The following DNAH7 variants were observed in gnomAD, a reference collection of about 807,000 sequenced individuals.
The protein encoded by DNAH7 is axonemal beta dynein heavy chain 7.
DNAH7 carries 397 observed loss-of-function variants against 444.6 expected under a neutral mutation model. That is an observed-to-expected ratio of 0.89 (90% CI 0.82 to 0.97). The LOEUF is 0.97. DNAH7 is among the 50% of genes least tolerant of loss of function. DNAH7 has a pLI of 0.00. For missense variants in DNAH7, 4,902 were observed against 4,800.8 expected, an observed-to-expected ratio of 1.02 and a Z score of -0.62; for synonymous variants, 1,636 against 1,624.4, an observed-to-expected ratio of 1.01 and a Z score of -0.17.
intron 40 of DNAH7, among the ~76,000 whole-genome samples, chr2:195,870,023 CACAA>C (rs1013323018): frequency 1.1e-4 from 16 of 152,114 alleles, no homozygotes; most frequent in Non-Finnish European, 2.1e-4. Context: ...TATACAATAG[CACAA>C]ACAACCTATT....
intron 5 of DNAH7, among the ~76,000 whole-genome samples, chr2:196,039,625 C>G (rs1391504638): frequency 1.3e-5 from 2 of 151,910 alleles, no homozygotes; most frequent in African/African-American, 4.8e-5. Flanking sequence ...TGGCAAAACC[C>G]TGTCTCTGCT....
chr2:196,029,323 T>A (rs1352726173), intron 5 of DNAH7, among the ~76,000 whole-genome samples: 1 of 152,092 alleles, frequency 6.6e-6, no homozygotes, highest in Non-Finnish European at 1.5e-5. Context: ...ATTCTAAGAA[T>A]CAAACAAACC....
At chr2:195,876,851 C>T in intron 36 of DNAH7, 152 bp from the exon 37 acceptor site, 1 of 602,244 alleles carries the variant, frequency 1.7e-6, no homozygotes, top group East Asian at 2.9e-5. Flanking sequence ...TAACAGTTAC[C>T]ATGCCAATGG....
At chr2:195,982,736 CATGTTCACA>C (rs1236628282) in intron 15 of DNAH7, among the ~76,000 whole-genome samples, 1 of 152,160 alleles carries the variant, frequency 6.6e-6, no homozygotes, top group African/African-American at 2.4e-5. Context: ...ACAAACTTTG[CATGTTCACA>C]CTTATTTGTG....
At chr2:195,914,011 G>C (rs1236495330) in intron 24 of DNAH7, among the ~76,000 whole-genome samples, 4 of 152,222 alleles carry the variant, frequency 2.6e-5, no homozygotes, top group African/African-American at 9.6e-5. Flanking sequence ...ACCGTGCCAA[G>C]TCGCAGATCT....
intron 49 of DNAH7, among the ~76,000 whole-genome samples, chr2:195,820,506 T>C (rs1697413063): frequency 6.6e-6 from 1 of 151,204 alleles, no homozygotes; most frequent in Admixed American, 6.6e-5. Flanking sequence ...CCCTTGAAAA[T>C]GCTACAAAAA....
chr2:195,953,631 G>T (rs1690420819), intron 19 of DNAH7, among the ~76,000 whole-genome samples: 1 of 152,200 alleles, frequency 6.6e-6, no homozygotes, highest in Admixed American at 6.5e-5. Flanking sequence ...GAGATGCCCT[G>T]CCCAGAGAGG....
chr2:196,048,830 C>T (rs1298953633), intron 3 of DNAH7, among the ~76,000 whole-genome samples: 1 of 152,160 alleles, frequency 6.6e-6, no homozygotes, highest in Non-Finnish European at 1.5e-5. Flanking sequence ...TCCATTGTTT[C>T]AGGCAGGGGT....
chr2:195,978,726 G>GA (rs1045466150), intron 15 of DNAH7, among the ~76,000 whole-genome samples: 5 of 152,050 alleles, frequency 3.3e-5, no homozygotes, highest in African/African-American at 1.2e-4. Context: ...TAAAGAGATG[G>GA]AAAAAGATAT....
chr2:195,928,238 T>C (rs1574796226), intron 21 of DNAH7, among the ~76,000 whole-genome samples: 1 of 152,308 alleles, frequency 6.6e-6, no homozygotes, highest in African/African-American at 2.4e-5. Flanking sequence ...TCTATGTTGC[T>C]ACAAAGGACA....
In DNAH7 at chr2:195,987,131, T is replaced by C; in HGVS notation, c.1689A>G (p.Arg563=). ...CEELIRALVK[R]ADIICGKLLA... is the part of the protein sequence containing the mutation. ...GAAGTTTCCCACAAATAATATCTGCTCGCTTCACCAAAGCTCTGATTAATT... is the reference window on the plus strand; with the variant it reads ...GAAGTTTCCCACAAATAATATCTGCCCGCTTCACCAAAGCTCTGATTAATT... The change falls in exon 14 of 65, where the codon CGA becomes CGG. Residue 563 remains arginine (R), a synonymous_variant. Transcript: ENST00000312428. 6.2e-7 allele frequency: 1 copy of C among 1,609,206 alleles called. No homozygotes were observed. The highest frequency in any genetic ancestry group is 8.5e-7 in the Non-Finnish European group (1 of 1,178,218).
chr2:195,852,915 CAGAGAGAGAGAGAGAG>C (rs201538951), intron 46 of DNAH7, among the ~76,000 whole-genome samples: 1 of 84,584 alleles, frequency 1.2e-5, no homozygotes, highest in Non-Finnish European at 3.1e-5. Flanking sequence ...CACACACACA[CAGAGAGAGAGAGAGAG>C]AGAGAGAGAG....
At chr2:196,059,882 CAG>C (rs1490553064) in intron 1 of DNAH7, among the ~76,000 whole-genome samples, 4 of 152,188 alleles carry the variant, frequency 2.6e-5, no homozygotes, top group Admixed American at 2.0e-4. Context: ...TCTCTTCGAG[CAG>C]AGAGTCTCTG....
intron 21 of DNAH7, among the ~76,000 whole-genome samples, chr2:195,928,682 T>C (rs2375545): frequency 0.082 from 12,481 of 151,890 alleles, 859 homozygotes; most frequent in African/African-American, 0.19. Context: ...ATCAGACCTA[T>C]CCAAAAGATT....
rs973173971 is a variant in DNAH7 at position 195,740,706 on chromosome 2, A to G, written c.11868+60T>C. ...ACACAATATGGGGTCTATTTTATAT[A>G]TAATATATAAAATATGTATAAAATA... On this transcript the variant is annotated intron_variant, in intron 64 of 64. Transcript: ENST00000312428. 1.2e-5 allele frequency: 7 copies of G among 587,860 alleles called. No homozygotes were observed. The Admixed American group carries it at 1.3e-4, about 11-fold the overall frequency. 36.4% of individuals were successfully genotyped at this position (587,860 alleles called of 1,614,324 possible). A position where few individuals can be genotyped will look rare whatever the true frequency, so the allele number is the denominator to read the frequency against.
intron 24 of DNAH7, among the ~76,000 whole-genome samples, chr2:195,911,901 CTGG>C (rs1312241030): frequency 1.3e-5 from 2 of 152,006 alleles, no homozygotes; most frequent in African/African-American, 4.8e-5. Context: ...GCAAGAAGCA[CTGG>C]TGAGTAAAGA....
chr2:195,826,358 T>C (rs1201234078), intron 48 of DNAH7, among the ~76,000 whole-genome samples: 1 of 152,246 alleles, frequency 6.6e-6, no homozygotes, highest in Non-Finnish European at 1.5e-5. Context: ...TGTATTTTCT[T>C]GTCATGCTCA....
intron 12 of DNAH7, chr2:195,994,413 T>C: frequency 1.4e-6 from 1 of 717,480 alleles, no homozygotes; most frequent in Admixed American, 2.1e-5. Context: ...AATTTGGTCC[T>C]CAGTCTGCTG....
intron 61 of DNAH7, among the ~76,000 whole-genome samples, chr2:195,769,631 T>G (rs978786986): frequency 6.6e-6 from 1 of 151,960 alleles, no homozygotes; most frequent in African/African-American, 2.4e-5. Context: ...ACCCACTATC[T>G]CCTCTCACGG....
Sources: gnomAD v4.1 joint callset for allele counts (sites outside exome capture counted in the v4.1 genomes callset) on GRCh38, gnomAD v4.1.1 for gene constraint, MANE v1.5 for transcripts, NCBI Gene and HGNC (gene_info 2026-07-23, HGNC 2026-07-21) for gene names.